The following SLC24A2 variants were observed in gnomAD, a reference collection of about 807,000 sequenced individuals.
SLC24A2 encodes the protein sodium/potassium/calcium exchanger 2.
Under a neutral mutation model 62.0 loss-of-function variants are expected in SLC24A2, and 36 were observed. That is an observed-to-expected ratio of 0.58 (90% confidence interval 0.44 to 0.77). The LOEUF (loss-of-function observed/expected upper bound fraction) is 0.77. Among genes scored for constraint, SLC24A2 ranks in the 30% least tolerant of loss-of-function variants. The probability of loss-of-function intolerance (pLI) is 0.00; values close to 1 mark genes in which losing one functional copy is unlikely to be tolerated. For missense variants in SLC24A2, 846 were observed against 817.9 expected (o/e 1.03, Z -0.42); for synonymous variants, 358 against 294.0 (o/e 1.22, Z -2.23).
At chr9:20,303,700 T>G in the SLC24A2 span, among the ~76,000 whole-genome samples, 1 of 152,250 alleles carries the variant, frequency 6.6e-6, no homozygotes, top group Non-Finnish European at 1.5e-5. Flanking sequence ...TTCCTCCACC[T>G]GACTGTAGCC....
At chr9:19,590,929 C>A (rs1341706251) in intron 5 of SLC24A2, among the ~76,000 whole-genome samples, 1 of 152,186 alleles carries the variant, frequency 6.6e-6, no homozygotes, top group Non-Finnish European at 1.5e-5. Context: ...CTGGTCAATT[C>A]ATTGATGCGG....
the SLC24A2 span, among the ~76,000 whole-genome samples, chr9:19,980,330 G>A: frequency 6.6e-6 from 1 of 152,150 alleles, no homozygotes; most frequent in East Asian, 1.9e-4. Flanking sequence ...AGCAAGCAGG[G>A]CATTTTAGGT....
chr9:19,882,305 T>C, the SLC24A2 span, among the ~76,000 whole-genome samples: 295 of 152,358 alleles, frequency 1.9e-3, 4 homozygotes, highest in Admixed American at 0.017. Context: ...AAAGGTATCA[T>C]ACTGGTGTTT....
At chr9:20,001,222 G>T in the SLC24A2 span, among the ~76,000 whole-genome samples, 1 of 152,202 alleles carries the variant, frequency 6.6e-6, no homozygotes, top group Non-Finnish European at 1.5e-5. Context: ...CAATGAGTGG[G>T]CTGAGGATAG....
At position 19,636,286 on chromosome 9, in the gene SLC24A2, C is replaced by CTTTTCTT. The variant is rs1288181642; in HGVS notation, c.931-13988_931-13987insAAGAAAA. Among the ~76,000 whole-genome samples the CTTTTCTT allele has an allele frequency of 2.0e-3, 178 of 88,120 alleles. 39 individuals are homozygous for CTTTTCTT. Among genetic ancestry groups the CTTTTCTT allele is most frequent in the African/African-American group, 8.2e-3 (167 of 20,346 alleles). The allele number at this position is 88,120 out of a possible 152,430, so 57.8% of individuals were successfully genotyped here. On this transcript the variant is annotated intron_variant, in intron 2 of 10. Transcript: ENST00000341998. ...TTTTCTTCTCTTCTTCTCTTCTTCT[C>CTTTTCTT]TTCTTTTCTTTTCTTTTCTTTTCTT... is the stretch of plus-strand genomic sequence containing the variant.
In SLC24A2 at chr9:19,788,878, C is replaced by T. The variant is rs1823259747; in HGVS notation, c.-154+7G>A. 1.0e-6 allele frequency: 1 copy of T among 985,414 alleles called. No homozygotes were observed. The highest frequency in any genetic ancestry group is 1.2e-6 in the Non-Finnish European group (1 of 829,920). The allele number at this position is 985,414 out of a possible 1,614,324, so 61.0% of individuals were successfully genotyped here. A position where few individuals can be genotyped will look rare whatever the true frequency, so the allele number is the denominator to read the frequency against. On this transcript the variant is annotated splice_region_variant and intron_variant, in intron 1 of 10. Transcript: ENST00000341998. ...GCGGCAGGCGGGGCGCAGCCGCCCG[C>T]ACTTACCAGGATAAGATGGGAGGAC... is the stretch of plus-strand genomic sequence containing the variant.
chr9:19,624,433 GA>G (rs374261113), intron 2 of SLC24A2, among the ~76,000 whole-genome samples: 297 of 149,436 alleles, frequency 2.0e-3, no homozygotes, highest in Middle Eastern at 0.01. Context: ...ATTAAGGAAG[GA>G]AAAAAAAATC....
chr9:20,024,257 G>A, the SLC24A2 span, among the ~76,000 whole-genome samples: 2 of 152,110 alleles, frequency 1.3e-5, no homozygotes, highest in East Asian at 3.9e-4. Flanking sequence ...GGGAATGTGC[G>A]GCAGAAAATT....
chr9:20,222,539 C>G, the SLC24A2 span, among the ~76,000 whole-genome samples: 1 of 151,958 alleles, frequency 6.6e-6, no homozygotes, highest in Non-Finnish European at 1.5e-5. Context: ...CACATTGATT[C>G]AAAACTAGAC....
chr9:20,070,352 T>G, the SLC24A2 span, among the ~76,000 whole-genome samples: 1 of 152,232 alleles, frequency 6.6e-6, no homozygotes, highest in East Asian at 1.9e-4. Flanking sequence ...GTCAAGGTAG[T>G]GGCTGGCAAT....
the SLC24A2 span, among the ~76,000 whole-genome samples, chr9:19,903,720 T>C: frequency 6.6e-6 from 1 of 152,080 alleles, no homozygotes; most frequent in Admixed American, 6.6e-5. Context: ...TAGAGATGGA[T>C]GGAGTAAGCG....
At chr9:20,018,092 A>G in the SLC24A2 span, among the ~76,000 whole-genome samples, 6 of 151,960 alleles carry the variant, frequency 3.9e-5, no homozygotes, top group African/African-American at 1.5e-4. Context: ...GACTACAGGC[A>G]CCCGCCACCA....
At chr9:19,947,908 G>T in the SLC24A2 span, among the ~76,000 whole-genome samples, 1 of 151,768 alleles carries the variant, frequency 6.6e-6, no homozygotes, top group Non-Finnish European at 1.5e-5. Context: ...GCAACCCATT[G>T]TAGAAAGCCA....
intron 2 of SLC24A2, among the ~76,000 whole-genome samples, chr9:19,688,506 G>C (rs994673082): frequency 2.0e-5 from 3 of 152,060 alleles, no homozygotes; most frequent in Non-Finnish European, 4.4e-5. Flanking sequence ...CTGTAGGAAA[G>C]TTTACTTTTT....
chr9:19,516,248 T>A lies in SLC24A2; in HGVS notation c.1891A>T (p.Ile631Phe). The change falls in exon 11 of 11, where the codon ATC becomes TTC. Residue 631 changes from isoleucine (I) to phenylalanine (F), a missense_variant. Coordinates refer to ENST00000341998, the MANE Select transcript of SLC24A2 (RefSeq NM_020344.4). ...AGGCCAAACATGATGAAGCCCAGGA[T>A]TTTGTTCATTCGCCACTTGCAGAGG... The part of the protein sequence containing the change: ...IALCKWRMNK[I>F]LGFIMFGLYF... 1 of 1,613,854 alleles carries A rather than the reference T, an allele frequency of 6.2e-7. No individual in the cohort carries two copies. The highest frequency in any genetic ancestry group is 8.5e-7 in the Non-Finnish European group (1 of 1,179,928).
the SLC24A2 span, among the ~76,000 whole-genome samples, chr9:20,199,152 T>C: frequency 2.0e-5 from 3 of 152,226 alleles, no homozygotes; most frequent in Non-Finnish European, 4.4e-5. Context: ...TTTATTTTTT[T>C]TCTCTCTCCA....
chr9:19,670,128 C>G (rs1009347903), intron 2 of SLC24A2, among the ~76,000 whole-genome samples: 95 of 152,304 alleles, frequency 6.2e-4, no homozygotes, highest in African/African-American at 2.2e-3. Flanking sequence ...CACACCCCTT[C>G]CCATCTCTTG....
chr9:19,866,012 A>C, the SLC24A2 span, among the ~76,000 whole-genome samples: 1 of 152,240 alleles, frequency 6.6e-6, no homozygotes, highest in Non-Finnish European at 1.5e-5. Flanking sequence ...GGAAAAATCT[A>C]ATAATCCAAT....
At chr9:19,983,682 G>C in the SLC24A2 span, among the ~76,000 whole-genome samples, 1 of 151,922 alleles carries the variant, frequency 6.6e-6, no homozygotes, top group Non-Finnish European at 1.5e-5. Context: ...TCATCCACTG[G>C]AAATGATCAA....
Sources: gnomAD v4.1 joint callset for allele counts (sites outside exome capture counted in the v4.1 genomes callset) on GRCh38, gnomAD v4.1.1 for gene constraint, MANE v1.5 for transcripts, NCBI Gene and HGNC (gene_info 2026-07-23, HGNC 2026-07-21) for gene names.